BCLAF3: variants seen among roughly 807,000 people sequenced by gnomAD.
The protein encoded by BCLAF3 is transient octamer binding factor 1.
BCLAF3 carries 24 observed loss-of-function variants against 51.2 expected under a neutral mutation model. That is an observed-to-expected ratio of 0.47 (90% CI 0.34 to 0.66). The LOEUF (loss-of-function observed/expected upper bound fraction) is 0.66, where lower values mean the gene tolerates loss of function less well. Ranked by LOEUF, BCLAF3 falls within the 30% of genes least tolerant of loss-of-function variation. The pLI is 0.01. For missense variants in BCLAF3, 465 were observed against 525.1 expected (o/e 0.89, Z 1.12); for synonymous variants, 152 against 176.6 (o/e 0.86, Z 1.10).
chrX:19,983,943 G>A (rs1296645331), intron 1 of BCLAF3, among the ~76,000 whole-genome samples: 1 of 107,509 alleles, frequency 9.3e-6, no homozygotes, highest in African/African-American at 3.4e-5. Context: ...GTGGCGGCAC[G>A]CGCCTATAGT....
chrX:19,957,225 C>T (rs1287056707), intron 4 of BCLAF3, among the ~76,000 whole-genome samples: 1 of 111,230 alleles, frequency 9.0e-6, no homozygotes, highest in Non-Finnish European at 1.9e-5. Context: ...GGCCCATTTC[C>T]CTTCTTTCCT....
chrX:19,971,013 T>A (rs2072238971), intron 1 of BCLAF3, among the ~76,000 whole-genome samples: 1 of 112,432 alleles, frequency 8.9e-6, no homozygotes, highest in Admixed American at 9.4e-5. Context: ...ATAATCACAG[T>A]TTAAATGTTT....
intron 4 of BCLAF3, among the ~76,000 whole-genome samples, chrX:19,959,970 AT>A (rs781293109): frequency 9.2e-6 from 1 of 108,942 alleles, no homozygotes; most frequent in Non-Finnish European, 1.9e-5. Flanking sequence ...TAATTTTTGT[AT>A]TTTTTGTAAA....
rs369837458 is a variant in BCLAF3, at chrX:19,965,535, A to G, written c.783T>C (p.Tyr261=). 46 of 1,202,789 alleles carry G rather than the reference A, an allele frequency of 3.8e-5. 1 individual carries two copies. In the African/African-American group the frequency reaches 7.0e-4, roughly 18 times the overall value. Residue 261 remains tyrosine, a synonymous_variant, in exon 4 of 12, where the codon TAT becomes TAC. Transcript: ENST00000379682. ...TDQWNLGPQT[Y]RHAEREHPET... ...CTGGGTGTTCCCTCTCAGCATGTCG[A>G]TAAGTTTGGGGCCCAAGGTTCCACT...
In BCLAF3 at chrX:19,970,315, G is replaced by A. The variant is rs771939623; in HGVS notation, c.-34-17C>T. ...CTTTTTACACTGCAAAGAAACACAG[G>A]ATTAGCAGGTTTGTAGAAAGACCCT... is the stretch of plus-strand genomic sequence containing the variant. On this transcript the variant is annotated splice_polypyrimidine_tract_variant and intron_variant, in intron 1 of 11. Transcript: ENST00000379682. The A allele has an allele frequency of 1.1e-5, 13 of 1,198,676 alleles. No individual in the cohort carries two copies. The highest frequency in any genetic ancestry group is 1.5e-5 in the Non-Finnish European group (13 of 884,107).
At chrX:19,922,565 A>G (rs2070204197) in intron 11 of BCLAF3, among the ~76,000 whole-genome samples, 1 of 111,536 alleles carries the variant, frequency 9.0e-6, no homozygotes, top group African/African-American at 3.3e-5. Flanking sequence ...TTATGCACCA[A>G]ATAGATTTGG....
intron 1 of BCLAF3, among the ~76,000 whole-genome samples, chrX:19,987,777 C>G (rs764019514): frequency 8.9e-5 from 10 of 112,284 alleles, no homozygotes; most frequent in African/African-American, 2.9e-4. Flanking sequence ...CCAGCAGTTC[C>G]TGGTTTACTA....
At chrX:19,923,464 C>CT (rs895224511) in intron 11 of BCLAF3, 6 of 140,335 alleles carry the variant, frequency 4.3e-5, no homozygotes, top group Non-Finnish European at 8.7e-5. Flanking sequence ...TTTTTAACAG[C>CT]TTTACTGAGA....
At chrX:19,978,774 T>C (rs1358748277) in intron 1 of BCLAF3, among the ~76,000 whole-genome samples, 1 of 110,177 alleles carries the variant, frequency 9.1e-6, no homozygotes, top group Non-Finnish European at 1.9e-5. Context: ...TTTTTTGTCT[T>C]ATATTTTTTC....
chrX:19,957,966 GGATT>G (rs937200302), intron 4 of BCLAF3, among the ~76,000 whole-genome samples: 1 of 111,353 alleles, frequency 9.0e-6, no homozygotes, highest in African/African-American at 3.3e-5. Flanking sequence ...CCTGTGGCAT[GGATT>G]GATTAACAAG....
chrX:19,926,852 GC>G (rs2070373693), intron 11 of BCLAF3, among the ~76,000 whole-genome samples: 1 of 111,794 alleles, frequency 8.9e-6, no homozygotes, highest in African/African-American at 3.2e-5. Context: ...AAGAGAAGCA[GC>G]ATCTCTACCT....
chrX:19,974,718 A>G (rs1481329776), intron 1 of BCLAF3, among the ~76,000 whole-genome samples: 1 of 109,429 alleles, frequency 9.1e-6, no homozygotes, highest in Non-Finnish European at 1.9e-5. Flanking sequence ...CATCTCTACT[A>G]AAAATACAAA....
intron 4 of BCLAF3, among the ~76,000 whole-genome samples, chrX:19,955,840 A>G (rs1209244685): frequency 8.9e-6 from 1 of 111,774 alleles, no homozygotes; most frequent in Admixed American, 9.5e-5. Context: ...TTTTACTTGA[A>G]AAATACAAGG....
chrX:19,924,273 G>C (rs1391275150), intron 11 of BCLAF3, among the ~76,000 whole-genome samples: 2 of 110,577 alleles, frequency 1.8e-5, no homozygotes, highest in African/African-American at 6.6e-5. Context: ...ACAAGAAGGA[G>C]GACTGAAAAA....
intron 11 of BCLAF3, among the ~76,000 whole-genome samples, chrX:19,924,615 C>T (rs1468117908): frequency 9.0e-6 from 1 of 111,674 alleles, no homozygotes; most frequent in Non-Finnish European, 1.9e-5. Context: ...TCTGCACTGT[C>T]ATTATGCCCT....
intron 1 of BCLAF3, among the ~76,000 whole-genome samples, chrX:19,984,286 C>T (rs1271003296): frequency 9.1e-5 from 10 of 109,884 alleles, no homozygotes; most frequent in South Asian, 3.9e-4. Flanking sequence ...ACAAGAGATG[C>T]GAGGAGACAC....
chrX:19,948,457 A>G (rs1172117968), intron 8 of BCLAF3, among the ~76,000 whole-genome samples: 1 of 111,710 alleles, frequency 9.0e-6, no homozygotes, highest in Non-Finnish European at 1.9e-5. Context: ...GCCACATATT[A>G]TATTATTGAA....
chrX:19,952,882 CCTT>C, intron 7 of BCLAF3, 103 bp downstream of exon 7: 1 of 565,242 alleles, frequency 1.8e-6, no homozygotes, highest in Non-Finnish European at 2.8e-6. Flanking sequence ...TTTCAATCCT[CCTT>C]CTTCATGTAC....
At chrX:19,940,850 A>C (rs1314647152) in intron 8 of BCLAF3, among the ~76,000 whole-genome samples, 1 of 111,539 alleles carries the variant, frequency 9.0e-6, no homozygotes, top group African/African-American at 3.3e-5. Context: ...TGCCACACTG[A>C]CTTCCACTAT....
Sources: gnomAD v4.1 joint callset for allele counts (sites outside exome capture counted in the v4.1 genomes callset) on GRCh38, gnomAD v4.1.1 for gene constraint, MANE v1.5 for transcripts, NCBI Gene and HGNC (gene_info 2026-07-23, HGNC 2026-07-21) for gene names.